PLCB1: variants seen among roughly 807,000 people sequenced by gnomAD.
PLCB1 encodes phospholipase C beta 1, also known as 1-phosphatidylinositol 4,5-bisphosphate phosphodiesterase beta-1.
PLCB1 carries 46 observed loss-of-function variants against 161.8 expected under a neutral mutation model. The ratio of observed to expected loss-of-function variants is 0.28; its 90% CI spans 0.22 to 0.36. PLCB1 has a LOEUF of 0.36. Among genes scored for constraint, PLCB1 ranks in the 10% least tolerant of loss-of-function variants. PLCB1 has a pLI of 1.00. For synonymous variants in PLCB1, 517 were observed against 503.7 expected (o/e 1.03, Z -0.35); for missense variants, 1,016 against 1,472.5 (o/e 0.69, Z 5.07).
At chr20:8,592,731 A>T (rs1226960702) in intron 3 of PLCB1, among the ~76,000 whole-genome samples, 1 of 152,210 alleles carries the variant, frequency 6.6e-6, no homozygotes, top group Non-Finnish European at 1.5e-5. Flanking sequence ...ATTTTGAAGC[A>T]TTCAGATTTT....
At chr20:8,379,532 C>G (rs1046571087) in intron 3 of PLCB1, among the ~76,000 whole-genome samples, 1 of 152,186 alleles carries the variant, frequency 6.6e-6, no homozygotes, top group Admixed American at 6.5e-5. Context: ...ACCATACTGT[C>G]TTCCACAATG....
chr20:8,735,069 A>C (rs1458710810), intron 19 of PLCB1, among the ~76,000 whole-genome samples: 5 of 152,250 alleles, frequency 3.3e-5, no homozygotes, highest in African/African-American at 1.2e-4. Flanking sequence ...ATTTTAGGAA[A>C]GTATTTTCAG....
intron 12 of PLCB1, among the ~76,000 whole-genome samples, chr20:8,712,864 A>G (rs1338236945): frequency 2.6e-5 from 4 of 152,176 alleles, no homozygotes; most frequent in African/African-American, 9.7e-5. Context: ...CTCAAAATGC[A>G]TTTGTGATTT....
chr20:8,877,636 G>A lies in PLCB1; in HGVS notation c.3424-3986G>A, dbSNP rs191793534. On this transcript the variant is annotated intron_variant, in intron 31 of 31. Coordinates refer to ENST00000338037, the MANE Select transcript of PLCB1 (RefSeq NM_015192.4). ...ATCTGAGTTTGCAACCCTTGGGCTG[G>A]AATAGCTCTAGACCACTGATGGATG... Among the ~76,000 whole-genome samples, 233 of 152,272 alleles carry A rather than the reference G, an allele frequency of 1.5e-3. 1 individual carries two copies. The highest frequency in any genetic ancestry group is 0.01 in the Middle Eastern group (3 of 294).
In PLCB1 at chr20:8,792,541, A is replaced by G. The variant is rs187802921; in HGVS notation, c.3423+2280A>G. 1.3e-3 allele frequency: 613 copies of G among 470,982 alleles called. 2 individuals are homozygous for G. Among genetic ancestry groups the G allele is most frequent in the African/African-American group, 9.3e-3 (467 of 50,170 alleles). The allele number at this position is 470,982 out of a possible 1,614,324, so 29.2% of individuals were successfully genotyped here. A position where few individuals can be genotyped will look rare whatever the true frequency, so the allele number is the denominator to read the frequency against. On this transcript the variant is annotated intron_variant, in intron 31 of 31. Transcript: ENST00000338037. ...TTGGAAAGAGATCTGAAGTGTTTCT[A>G]TGAATTTTTAGTAGTTCTATTGTCT...
chr20:8,631,841 G>A (rs983013246), intron 4 of PLCB1, among the ~76,000 whole-genome samples: 1 of 152,102 alleles, frequency 6.6e-6, no homozygotes. Flanking sequence ...ATGTCTCCAG[G>A]TTCCATTTTT....
intron 3 of PLCB1, among the ~76,000 whole-genome samples, chr20:8,568,422 G>A (rs184545285): frequency 2.2e-4 from 33 of 152,176 alleles, no homozygotes; most frequent in African/African-American, 7.9e-4. Context: ...ATTAAAGCCT[G>A]TGGAGAAAAA....
intron 2 of PLCB1, among the ~76,000 whole-genome samples, chr20:8,203,248 A>G (rs1978344509): frequency 6.6e-6 from 1 of 152,138 alleles, no homozygotes. Context: ...GACCGACATA[A>G]GAAAGGGATG....
chr20:8,753,429 C>G (rs2123554390), intron 23 of PLCB1, among the ~76,000 whole-genome samples: 1 of 152,180 alleles, frequency 6.6e-6, no homozygotes, highest in East Asian at 1.9e-4. Context: ...TCCAGAAAAT[C>G]ATGAGGTCCC....
chr20:8,201,286 A>G (rs2123126205), intron 2 of PLCB1, among the ~76,000 whole-genome samples: 1 of 151,954 alleles, frequency 6.6e-6, no homozygotes, highest in East Asian at 1.9e-4. Flanking sequence ...AAAAATAATC[A>G]CCTCTGTTTT....
intron 23 of PLCB1, among the ~76,000 whole-genome samples, chr20:8,745,977 G>T (rs1389302800): frequency 6.6e-6 from 1 of 152,188 alleles, no homozygotes; most frequent in Non-Finnish European, 1.5e-5. Context: ...TGTCGTCCAG[G>T]CTGGAGTGCA....
In PLCB1 at chr20:8,132,601, C is replaced by T. The variant is rs780696496; in HGVS notation, c.-51C>T. 2 of 1,341,358 alleles carry T rather than the reference C, an allele frequency of 1.5e-6. No homozygotes were observed. The highest frequency in any genetic ancestry group is 1.3e-5 in the South Asian group (1 of 78,200). The allele number at this position is 1,341,358 out of a possible 1,614,324, so 83.1% of individuals were successfully genotyped here. On this transcript the variant is annotated 5_prime_UTR_variant, in exon 1 of 32. Transcript: ENST00000338037. This position sits in a 1 kb window ranked among gnomAD's most constrained non-coding sequence, Gnocchi z 5.2. ...CGCGCCCCGCGCCCCGCGCACGGTC[C>T]CCAGTCCCTGCCGCGCTCGCCCGGG... is the stretch of plus-strand genomic sequence containing the variant.
intron 3 of PLCB1, among the ~76,000 whole-genome samples, chr20:8,392,070 G>A (rs182806735): frequency 1.3e-5 from 2 of 152,000 alleles, no homozygotes; most frequent in Admixed American, 1.3e-4. Context: ...AGTTCCTATA[G>A]TTTGAAAGTT....
intron 2 of PLCB1, among the ~76,000 whole-genome samples, chr20:8,321,485 GC>G (rs1984916440): frequency 6.6e-6 from 1 of 151,906 alleles, no homozygotes. Context: ...CATTCTTCCT[GC>G]CCTGGCAATT....
chr20:8,681,099 T>TAG (rs1421958040), intron 9 of PLCB1, among the ~76,000 whole-genome samples: 5 of 107,358 alleles, frequency 4.7e-5, no homozygotes, highest in African/African-American at 2.2e-4. Context: ...TATATATATA[T>TAG]ATATATATAT....
chr20:8,746,115 A>G (rs969847586), intron 23 of PLCB1, among the ~76,000 whole-genome samples: 2 of 152,142 alleles, frequency 1.3e-5, no homozygotes, highest in African/African-American at 4.8e-5. Context: ...TCTTTTTAGT[A>G]GAGACGGGGT....
At chr20:8,619,417 TAAAAAGAAAAAA>T (rs941892096) in intron 3 of PLCB1, among the ~76,000 whole-genome samples, 4 of 143,896 alleles carry the variant, frequency 2.8e-5, no homozygotes, top group Admixed American at 6.9e-5. Context: ...AGACTCTGTC[TAAAAAGAAAAAA>T]AAAAAGAAAA....
chr20:8,547,567 T>C (rs1467343712), intron 3 of PLCB1, among the ~76,000 whole-genome samples: 2 of 152,130 alleles, frequency 1.3e-5, no homozygotes. Context: ...TTCTATGTTC[T>C]GAAATAGTAC....
chr20:8,151,474 A>C (rs2051507410), intron 2 of PLCB1, among the ~76,000 whole-genome samples: 1 of 152,156 alleles, frequency 6.6e-6, no homozygotes, highest in Non-Finnish European at 1.5e-5. Context: ...ACTCTAAATC[A>C]GTGTGCCCTG....
Sources: gnomAD v4.1 joint callset for allele counts (sites outside exome capture counted in the v4.1 genomes callset) on GRCh38, gnomAD v4.1.1 for gene constraint, Gnocchi (gnomAD v3.1) non-coding constraint, MANE v1.5 for transcripts, NCBI Gene and HGNC (gene_info 2026-07-23, HGNC 2026-07-21) for gene names.